Variants in PRELID2 observed in about 807,000 individuals in gnomAD.
The protein encoded by PRELID2 is PRELI domain-containing protein 2.
A neutral mutation model predicts 28.4 loss-of-function variants in PRELID2; 25 were observed. The observed-to-expected ratio is 0.88, with a 90% CI of 0.64 to 1.23. The LOEUF is 1.23. Among genes scored for constraint, PRELID2 ranks in the 50% most tolerant of loss-of-function variants. PRELID2 has a pLI of 0.00. For synonymous variants in PRELID2, 76 were observed against 71.6 expected (o/e 1.06, Z -0.31); for missense variants, 201 against 214.4 (o/e 0.94, Z 0.39).
At chr5:145,232,914 T>C in the PRELID2 span, among the ~76,000 whole-genome samples, 1 of 151,914 alleles carries the variant, frequency 6.6e-6, no homozygotes, top group African/African-American at 2.4e-5. Flanking sequence ...TAATTTATCA[T>C]TAATATTATT....
chr5:145,586,229 C>T (rs1227507195), intron 1 of PRELID2, among the ~76,000 whole-genome samples: 1 of 152,202 alleles, frequency 6.6e-6, no homozygotes. Flanking sequence ...CCCTTTATTG[C>T]TGTACTTTGC....
chr5:145,384,571 T>C, the PRELID2 span, among the ~76,000 whole-genome samples: 5 of 152,160 alleles, frequency 3.3e-5, no homozygotes, highest in Non-Finnish European at 7.3e-5. Flanking sequence ...TCTGTGGTAA[T>C]CGTATTAGGC....
intron 1 of PRELID2, among the ~76,000 whole-genome samples, chr5:145,479,982 A>G (rs1483212120): frequency 6.6e-6 from 1 of 152,210 alleles, no homozygotes; most frequent in African/African-American, 2.4e-5. Flanking sequence ...AACTATCACA[A>G]CATTTAAAAC....
chr5:145,295,845 A>T, the PRELID2 span, among the ~76,000 whole-genome samples: 1 of 152,190 alleles, frequency 6.6e-6, no homozygotes, highest in Non-Finnish European at 1.5e-5. Context: ...GTAATTTAAA[A>T]ACCATATTTT....
At chr5:145,696,618 C>T (rs1755272717) in intron 1 of PRELID2, among the ~76,000 whole-genome samples, 1 of 152,008 alleles carries the variant, frequency 6.6e-6, no homozygotes, top group South Asian at 2.1e-4. Context: ...CATGCCACCA[C>T]ACCTGGCTAA....
At chr5:145,640,790 T>C (rs917182585) in intron 1 of PRELID2, among the ~76,000 whole-genome samples, 2 of 152,164 alleles carry the variant, frequency 1.3e-5, no homozygotes, top group Non-Finnish European at 2.9e-5. Flanking sequence ...ACTATAGTAA[T>C]GAAGACAGCA....
At chr5:145,721,881 C>A (rs1168429231) in intron 1 of PRELID2, among the ~76,000 whole-genome samples, 1 of 152,128 alleles carries the variant, frequency 6.6e-6, no homozygotes, top group Non-Finnish European at 1.5e-5. Flanking sequence ...ATGTTAAAAT[C>A]TGTAATTCAA....
At chr5:145,716,187 G>C (rs1269073032) in intron 1 of PRELID2, among the ~76,000 whole-genome samples, 1 of 152,182 alleles carries the variant, frequency 6.6e-6, no homozygotes. Flanking sequence ...TCTTCTGTTA[G>C]AATGTAAAAT....
chr5:145,280,170 T>C, the PRELID2 span, among the ~76,000 whole-genome samples: 1 of 152,154 alleles, frequency 6.6e-6, no homozygotes, highest in Non-Finnish European at 1.5e-5. Context: ...ATGAGTTTGT[T>C]TGAAACATGC....
chr5:145,715,234 G>A (rs1273034501), intron 1 of PRELID2, among the ~76,000 whole-genome samples: 2 of 152,080 alleles, frequency 1.3e-5, no homozygotes, highest in South Asian at 2.1e-4. Context: ...TCCACTCACC[G>A]AATTACTCAA....
chr5:145,307,468 A>G, the PRELID2 span, among the ~76,000 whole-genome samples: 1 of 152,316 alleles, frequency 6.6e-6, no homozygotes, highest in South Asian at 2.1e-4. Context: ...AGAATACCAC[A>G]TCACCCTCAA....
At chr5:145,651,544 C>T (rs1754298155) in intron 1 of PRELID2, among the ~76,000 whole-genome samples, 1 of 152,156 alleles carries the variant, frequency 6.6e-6, no homozygotes, top group African/African-American at 2.4e-5. Flanking sequence ...GCCAGGTACC[C>T]CTCTGAGATG....
the PRELID2 span, among the ~76,000 whole-genome samples, chr5:145,328,109 T>A: frequency 4.1e-4 from 62 of 152,204 alleles, no homozygotes; most frequent in African/African-American, 1.5e-3. Context: ...GCAGAGGACA[T>A]GAATTCATCC....
At chr5:145,574,053 A>G (rs565804727) in intron 1 of PRELID2, among the ~76,000 whole-genome samples, 6 of 152,202 alleles carry the variant, frequency 3.9e-5, no homozygotes, top group Non-Finnish European at 7.3e-5. Context: ...ACCTTAAAAT[A>G]CGAAGATTCT....
the PRELID2 span, among the ~76,000 whole-genome samples, chr5:145,340,977 G>A: frequency 6.6e-6 from 1 of 151,640 alleles, no homozygotes; most frequent in East Asian, 1.9e-4. Flanking sequence ...CACAAAGGAA[G>A]TCACAGATAA....
chr5:145,440,297 C>T, the PRELID2 span, among the ~76,000 whole-genome samples: 1 of 152,078 alleles, frequency 6.6e-6, no homozygotes, highest in Non-Finnish European at 1.5e-5. Flanking sequence ...AAACAGAAAT[C>T]GATTTTGCCT....
At chr5:145,767,217 A>G (rs1424038784) in intron 5 of PRELID2, among the ~76,000 whole-genome samples, 1 of 148,412 alleles carries the variant, frequency 6.7e-6, no homozygotes, top group African/African-American at 2.5e-5. Flanking sequence ...GCAGCTGGAC[A>G]TTGGAGAGAA....
intron 1 of PRELID2, among the ~76,000 whole-genome samples, chr5:145,745,589 C>T (rs539950485): frequency 2.4e-4 from 37 of 152,196 alleles, no homozygotes; most frequent in African/African-American, 7.7e-4. Flanking sequence ...GGGCCAGGTA[C>T]GGTGGCTCAT....
chr5:145,292,435 G>GC, the PRELID2 span, among the ~76,000 whole-genome samples: 1 of 152,080 alleles, frequency 6.6e-6, no homozygotes, highest in Non-Finnish European at 1.5e-5. Flanking sequence ...CACCGACCAT[G>GC]CACTCAAACT....
Sources: gnomAD v4.1 joint callset for allele counts (sites outside exome capture counted in the v4.1 genomes callset) on GRCh38, gnomAD v4.1.1 for gene constraint, MANE v1.5 for transcripts, NCBI Gene and HGNC (gene_info 2026-07-23, HGNC 2026-07-21) for gene names.